Variants in INTS15 observed in about 807,000 individuals in gnomAD.
INTS15 encodes uncharacterized protein C7orf26.
the INTS15 span, chr7:6,608,111 G>A: frequency 8.0e-6 from 4 of 502,434 alleles, no homozygotes; most frequent in Non-Finnish European, 6.3e-6. Flanking sequence ...CACGCATCCC[G>A]GCCACACCTT....
At chr7:6,608,639 C>G in the INTS15 span, 1 of 508,490 alleles carries the variant, frequency 2.0e-6, no homozygotes, top group African/African-American at 2.1e-5. Context: ...GTCAGGAATT[C>G]CCCTCACCTC....
At chr7:6,598,557 A>G in the INTS15 span, among the ~76,000 whole-genome samples, 1 of 151,306 alleles carries the variant, frequency 6.6e-6, no homozygotes, top group Non-Finnish European at 1.5e-5. Context: ...GGCGGTTCAT[A>G]CTCCAACAGT....
chr7:6,603,186 G>T, the INTS15 span, among the ~76,000 whole-genome samples: 1 of 151,960 alleles, frequency 6.6e-6, no homozygotes, highest in Non-Finnish European at 1.5e-5. Context: ...GAAGGTGGAG[G>T]TTTCAGTGAG....
the INTS15 span, among the ~76,000 whole-genome samples, chr7:6,590,876 T>C: frequency 6.6e-6 from 1 of 152,028 alleles, no homozygotes. Context: ...TTTCACTACG[T>C]TGCCCAGGCA....
At chr7:6,590,045 G>A in the INTS15 span, 938 of 240,356 alleles carry the variant, frequency 3.9e-3, 6 homozygotes, top group African/African-American at 0.02. Context: ...CGGCTGCGCG[G>A]CGGCAGCTCC....
the INTS15 span, among the ~76,000 whole-genome samples, chr7:6,607,118 TGGGG>T: frequency 6.8e-6 from 1 of 148,082 alleles, no homozygotes. The surrounding 1 kb of genome is among the most constrained non-coding windows in gnomAD (Gnocchi z 6.0). Context: ...CAGGGAGTTC[TGGGG>T]GGTTGGGGGA....
At chr7:6,591,652 A>G in the INTS15 span, 3,705 of 1,614,002 alleles carry the variant, frequency 2.3e-3, 7 homozygotes, top group Non-Finnish European at 2.9e-3. Flanking sequence ...GCAGAGACTG[A>G]ATTCCCTTCA....
chr7:6,594,989 A>G, the INTS15 span, among the ~76,000 whole-genome samples: 2 of 151,892 alleles, frequency 1.3e-5, no homozygotes, highest in Admixed American at 6.6e-5. Flanking sequence ...CGGCCTCCCA[A>G]ACTGCTAGGA....
chr7:6,590,331 C>T, the INTS15 span: 2 of 1,596,208 alleles, frequency 1.3e-6, no homozygotes, highest in Non-Finnish European at 1.7e-6. Context: ...CGCTGAGCGC[C>T]GCCAAGGAGG....
the INTS15 span, chr7:6,591,596 A>G: frequency 6.6e-7 from 1 of 1,525,078 alleles, no homozygotes; most frequent in Non-Finnish European, 9.1e-7. Flanking sequence ...TGAGTTAATA[A>G]GTACGTTACA....
the INTS15 span, among the ~76,000 whole-genome samples, chr7:6,593,399 C>T: frequency 2.7e-5 from 4 of 147,070 alleles, no homozygotes; most frequent in African/African-American, 5.1e-5. Flanking sequence ...GGCGCGATCT[C>T]GGCTCACTGC....
the INTS15 span, among the ~76,000 whole-genome samples, chr7:6,596,491 T>G: frequency 1.3e-5 from 2 of 150,452 alleles, no homozygotes; most frequent in Non-Finnish European, 3.0e-5. Flanking sequence ...AGATTCTCTT[T>G]CCTCAGCCTC....
At chr7:6,590,919 A>G in the INTS15 span, among the ~76,000 whole-genome samples, 5 of 151,562 alleles carry the variant, frequency 3.3e-5, no homozygotes, top group Non-Finnish European at 5.9e-5. Context: ...GCTCACTACA[A>G]CCTTGAACTC....
chr7:6,592,671 C>T, the INTS15 span, among the ~76,000 whole-genome samples: 145 of 149,154 alleles, frequency 9.7e-4, no homozygotes, highest in African/African-American at 3.5e-3. Context: ...TGCAGTGGTG[C>T]AATCTTAGCT....
the INTS15 span, chr7:6,590,270 G>C: frequency 4.6e-6 from 7 of 1,507,024 alleles, no homozygotes; most frequent in South Asian, 6.1e-5. Flanking sequence ...CGCGGGGGCC[G>C]CGGCGGCCGC....
chr7:6,600,169 G>A, the INTS15 span: 1 of 1,614,228 alleles, frequency 6.2e-7, no homozygotes, highest in Non-Finnish European at 8.5e-7. Context: ...ACCTGACCGA[G>A]AAGAATCTGT....
At chr7:6,600,314 C>G in the INTS15 span, 10 of 1,613,904 alleles carry the variant, frequency 6.2e-6, no homozygotes, top group Non-Finnish European at 8.5e-6. Flanking sequence ...GGCGCAGGCT[C>G]TGCAGGTGGC....
chr7:6,601,535 A>G, the INTS15 span, among the ~76,000 whole-genome samples: 1 of 151,994 alleles, frequency 6.6e-6, no homozygotes, highest in Non-Finnish European at 1.5e-5. Flanking sequence ...ACCTCAAGTG[A>G]TCCGCCCGCC....
chr7:6,606,919 G>C, the INTS15 span, among the ~76,000 whole-genome samples: 1 of 152,046 alleles, frequency 6.6e-6, no homozygotes, highest in African/African-American at 2.4e-5. Flanking sequence ...GTATTGCTCC[G>C]TCTGGTCTTG....
Sources: gnomAD v4.1 joint callset for allele counts (sites outside exome capture counted in the v4.1 genomes callset) on GRCh38, gnomAD v4.1.1 for gene constraint, Gnocchi (gnomAD v3.1) non-coding constraint, MANE v1.5 for transcripts, NCBI Gene and HGNC (gene_info 2026-07-23, HGNC 2026-07-21) for gene names.